DIAPH2: variants seen among roughly 807,000 people sequenced by gnomAD.
DIAPH2 encodes diaphanous related formin 2.
DIAPH2 carries 35 observed loss-of-function variants against 92.7 expected under a neutral mutation model. That is an observed-to-expected ratio of 0.38 (90% CI 0.29 to 0.50). The LOEUF (loss-of-function observed/expected upper bound fraction) is 0.50. Among genes scored for constraint, DIAPH2 ranks in the 20% least tolerant of loss-of-function variants. The pLI is 0.94. For synonymous variants in DIAPH2, 301 were observed against 280.4 expected (o/e 1.07, Z -0.73); for missense variants, 701 against 819.5 (o/e 0.86, Z 1.77).
At chrX:96,879,022 T>A (rs2065196242) in intron 4 of DIAPH2, among the ~76,000 whole-genome samples, 1 of 112,033 alleles carries the variant, frequency 8.9e-6, no homozygotes, top group Non-Finnish European at 1.9e-5. Context: ...CATTCATTCA[T>A]TCAGGAAATA....
chrX:96,974,929 A>T (rs1360072916), intron 17 of DIAPH2, among the ~76,000 whole-genome samples: 2 of 111,904 alleles, frequency 1.8e-5, no homozygotes, highest in Non-Finnish European at 3.8e-5. Context: ...TTCAGGAAGA[A>T]CAAAGATAGT....
intron 17 of DIAPH2, among the ~76,000 whole-genome samples, chrX:96,974,435 T>TAAG (rs781125036): frequency 4.5e-3 from 499 of 111,544 alleles, no homozygotes; most frequent in Non-Finnish European, 5.5e-3. Flanking sequence ...GTAGACTAGG[T>TAAG]AAGATATGAT....
intron 5 of DIAPH2, among the ~76,000 whole-genome samples, chrX:96,891,321 A>G (rs2065305435): frequency 8.9e-6 from 1 of 112,349 alleles, no homozygotes; most frequent in South Asian, 3.7e-4. Context: ...TTGAATGTTT[A>G]CAACTCTATT....
intron 22 of DIAPH2, among the ~76,000 whole-genome samples, chrX:97,213,082 T>C (rs2067854336): frequency 8.9e-6 from 1 of 111,971 alleles, no homozygotes; most frequent in Non-Finnish European, 1.9e-5. Context: ...CACATGAAGA[T>C]TTGATAATAG....
chrX:97,188,705 A>G (rs2097855342), intron 22 of DIAPH2, among the ~76,000 whole-genome samples: 1 of 112,604 alleles, frequency 8.9e-6, no homozygotes, highest in Non-Finnish European at 1.9e-5. Context: ...CAGCAAAGAA[A>G]CAAAGGTTGT....
rs190744149 is a variant in DIAPH2 at position 96,813,039 on chromosome X, G to A, written c.447+54781G>A. ...AGTTCTGTAGATGTCTATTAGGTCT[G>A]CTTGGTGCAGAGCTGAGTTTAAGTG... On this transcript the variant is annotated intron_variant, in intron 4 of 26. Transcript: ENST00000324765. Among the ~76,000 whole-genome samples the A allele has an allele frequency of 1.6e-4, 18 of 111,667 alleles. No homozygotes were observed. The East Asian group carries it at 4.8e-3, about 30-fold the overall frequency.
chrX:96,826,727 A>T (rs1012495802), intron 4 of DIAPH2, among the ~76,000 whole-genome samples: 1 of 110,794 alleles, frequency 9.0e-6, no homozygotes, highest in South Asian at 3.9e-4. Context: ...TTAGTCCAAA[A>T]CCCTCTTAAA....
chrX:96,986,090 C>T (rs1258217944), intron 17 of DIAPH2, among the ~76,000 whole-genome samples: 1 of 110,920 alleles, frequency 9.0e-6, no homozygotes, highest in Non-Finnish European at 1.9e-5. Context: ...TTGTCAAATT[C>T]GTTATTAAAT....
At chrX:97,264,968 G>A (rs1290533011) in intron 23 of DIAPH2, among the ~76,000 whole-genome samples, 2 of 110,809 alleles carry the variant, frequency 1.8e-5, no homozygotes, top group Non-Finnish European at 3.8e-5. Context: ...GGGTGACAGA[G>A]GAAGACTGTC....
intron 26 of DIAPH2, among the ~76,000 whole-genome samples, chrX:97,563,942 G>A (rs961625731): frequency 4.7e-4 from 52 of 111,813 alleles, no homozygotes; most frequent in African/African-American, 1.6e-3. Context: ...TACTTCCTTA[G>A]TACAAGATTA....
chrX:97,068,629 T>A (rs1922226179), intron 17 of DIAPH2, among the ~76,000 whole-genome samples: 1 of 111,916 alleles, frequency 8.9e-6, no homozygotes, highest in Admixed American at 9.5e-5. Context: ...CTTGCACTCA[T>A]TTTAATATTA....
At chrX:97,166,353 C>T (rs1007239782) in intron 22 of DIAPH2, among the ~76,000 whole-genome samples, 1 of 111,295 alleles carries the variant, frequency 9.0e-6, no homozygotes, top group African/African-American at 3.3e-5. Context: ...TACAATAATG[C>T]CCATAAAATG....
chrX:97,261,217 G>T (rs1333492944), intron 23 of DIAPH2, among the ~76,000 whole-genome samples: 2 of 112,621 alleles, frequency 1.8e-5, no homozygotes, highest in Non-Finnish European at 1.9e-5. Context: ...ACGTGTGTGT[G>T]CATGTGTGTG....
At chrX:97,234,331 C>CAAAAAAAA (rs1182930277) in intron 22 of DIAPH2, among the ~76,000 whole-genome samples, 4 of 31,191 alleles carry the variant, frequency 1.3e-4, no homozygotes, top group Non-Finnish European at 2.2e-4. Flanking sequence ...AACTCCATCT[C>CAAAAAAAA]AAAAAAAAAA....
intron 23 of DIAPH2, among the ~76,000 whole-genome samples, chrX:97,267,912 G>A (rs1035750526): frequency 9.0e-6 from 1 of 111,413 alleles, no homozygotes; most frequent in African/African-American, 3.3e-5. Flanking sequence ...CACCTGGGAG[G>A]GTTTGGTTAG....
chrX:97,270,939 T>TA (rs1429359156), intron 23 of DIAPH2, among the ~76,000 whole-genome samples: 27 of 110,971 alleles, frequency 2.4e-4, no homozygotes, highest in African/African-American at 8.8e-4. Flanking sequence ...TGCAAATTGT[T>TA]ATACAGTGTG....
chrX:97,425,638 C>T (rs148025777), intron 25 of DIAPH2, among the ~76,000 whole-genome samples: 211 of 108,725 alleles, frequency 1.9e-3, no homozygotes, highest in African/African-American at 6.8e-3. Context: ...AAATTAGCTC[C>T]CGCATGGTGG....
At chrX:97,524,978 T>C (rs1297142520) in intron 26 of DIAPH2, among the ~76,000 whole-genome samples, 1 of 112,422 alleles carries the variant, frequency 8.9e-6, no homozygotes, top group African/African-American at 3.2e-5. Flanking sequence ...CTTCAGTTCA[T>C]GTCAAAATCT....
At chrX:97,058,949 T>C (rs1488525044) in intron 17 of DIAPH2, among the ~76,000 whole-genome samples, 1 of 111,852 alleles carries the variant, frequency 8.9e-6, no homozygotes, top group African/African-American at 3.2e-5. Flanking sequence ...TTTTCAGTGC[T>C]AAAGGTAGAT....
Sources: gnomAD v4.1 joint callset for allele counts (sites outside exome capture counted in the v4.1 genomes callset) on GRCh38, gnomAD v4.1.1 for gene constraint, MANE v1.5 for transcripts, NCBI Gene and HGNC (gene_info 2026-07-23, HGNC 2026-07-21) for gene names.